The following ANKS1B variants were observed in gnomAD, a reference collection of about 807,000 sequenced individuals.
The protein encoded by ANKS1B is ankyrin repeat and sterile alpha motif domain-containing protein 1B.
A neutral mutation model predicts 148.3 loss-of-function variants in ANKS1B; 36 were observed. The ratio of observed to expected loss-of-function variants is 0.24; its 90% confidence interval spans 0.19 to 0.32. ANKS1B has a LOEUF of 0.32. ANKS1B is among the 10% of genes least tolerant of loss of function. ANKS1B has a pLI of 1.00. For synonymous variants in ANKS1B, 542 were observed against 560.8 expected (o/e 0.97, Z 0.47); for missense variants, 1,157 against 1,542.6 (o/e 0.75, Z 4.19).
intron 17 of ANKS1B, among the ~76,000 whole-genome samples, chr12:98,873,788 T>C (rs759764): frequency 0.24 from 36,328 of 152,138 alleles, 4,575 homozygotes; most frequent in East Asian, 0.39. Flanking sequence ...AAAATCACTT[T>C]ACTTGCCAAT....
chr12:98,905,694 C>T (rs2099778054), intron 17 of ANKS1B, among the ~76,000 whole-genome samples: 1 of 151,930 alleles, frequency 6.6e-6, no homozygotes, highest in African/African-American at 2.4e-5. Context: ...ATCACTTGCG[C>T]CCAGGAAGTT....
At chr12:99,086,507 G>T (rs1038971686) in intron 15 of ANKS1B, among the ~76,000 whole-genome samples, 1 of 152,140 alleles carries the variant, frequency 6.6e-6, no homozygotes, top group Admixed American at 6.5e-5. Context: ...TTAAGAAAGA[G>T]AGTTACATGC....
Position 98,782,255 on chromosome 12 carries a change from A to G in ANKS1B, c.3343-118T>C, listed in dbSNP as rs75245247. 4,002 of 858,692 alleles carry G rather than the reference A, an allele frequency of 4.7e-3. 96 individuals carry two copies. In the African/African-American group the frequency reaches 0.059, roughly 13 times the overall value. 53.2% of individuals were successfully genotyped at this position (858,692 alleles called of 1,614,324 possible). A position where few individuals can be genotyped will look rare whatever the true frequency, so the allele number is the denominator to read the frequency against. On this transcript the variant is annotated intron_variant, in intron 22 of 26. Coordinates refer to ENST00000683438, the MANE Select transcript of ANKS1B (RefSeq NM_001352186.2). ...AACAGTGTAAATTCATTAAAAAACA[A>G]AAGATGCCACAAAAGAACAGGCTTC...
chr12:99,451,417 C>T (rs1419027283), intron 10 of ANKS1B, among the ~76,000 whole-genome samples: 1 of 152,118 alleles, frequency 6.6e-6, no homozygotes, highest in Non-Finnish European at 1.5e-5. Flanking sequence ...ACTGAGATTA[C>T]TTCTGGCTGG....
chr12:99,858,340 C>A (rs185929000), intron 1 of ANKS1B, among the ~76,000 whole-genome samples: 2 of 152,026 alleles, frequency 1.3e-5, no homozygotes, highest in African/African-American at 4.8e-5. Flanking sequence ...CTTACTCCTG[C>A]AAGAATGGCC....
chr12:99,930,541 C>T (rs10860542), intron 1 of ANKS1B, among the ~76,000 whole-genome samples: 91,463 of 151,844 alleles, frequency 0.6, 28,672 homozygotes, highest in Middle Eastern at 0.7. Flanking sequence ...CTATGTTGAA[C>T]AGGAGTGGTG....
intron 11 of ANKS1B, among the ~76,000 whole-genome samples, chr12:99,430,483 G>A (rs897146375): frequency 3.3e-5 from 5 of 152,154 alleles, no homozygotes; most frequent in Non-Finnish European, 7.4e-5. Context: ...AACACTGTAC[G>A]TTACTTGACC....
At chr12:99,720,943 C>T (rs987194554) in intron 8 of ANKS1B, among the ~76,000 whole-genome samples, 16 of 152,216 alleles carry the variant, frequency 1.1e-4, no homozygotes, top group African/African-American at 3.9e-4. Context: ...ATAATCTTTG[C>T]TGGCAGGGCT....
In ANKS1B at chr12:99,052,543, AGG is replaced by A. The variant is rs2099966822; in HGVS notation, c.2778+612_2778+613del. ...GAGATCGAGACCATCCTGGCTAACA[AGG>A]TGAAACCCCGTCTCTACTAAAAAAT... On this transcript the variant is annotated intron_variant, in intron 17 of 26. Coordinates refer to ENST00000683438, the MANE Select transcript of ANKS1B (RefSeq NM_001352186.2). 1.2e-4 allele frequency among the ~76,000 whole-genome samples: 18 copies of A among 147,622 alleles called. 2 individuals are homozygous for A. The South Asian group carries it at 4.2e-3, about 35-fold the overall frequency.
intron 8 of ANKS1B, among the ~76,000 whole-genome samples, chr12:99,719,269 T>C (rs1381018565): frequency 6.6e-6 from 1 of 152,200 alleles, no homozygotes; most frequent in African/African-American, 2.4e-5. Context: ...ACACATATAC[T>C]TTCTGTTTCC....
chr12:99,834,255 A>G (rs372011787), intron 1 of ANKS1B, among the ~76,000 whole-genome samples: 60 of 152,344 alleles, frequency 3.9e-4, no homozygotes, highest in African/African-American at 1.3e-3. Flanking sequence ...TTCTAGACAC[A>G]TTTAAGAAAT....
chr12:98,786,737 G>T (rs866809965), intron 22 of ANKS1B, among the ~76,000 whole-genome samples: 1 of 152,218 alleles, frequency 6.6e-6, no homozygotes, highest in African/African-American at 2.4e-5. Flanking sequence ...TGCTCTTTGA[G>T]TCTGGAGTGG....
chr12:99,813,843 T>A (rs538492382), intron 2 of ANKS1B, among the ~76,000 whole-genome samples: 1 of 151,746 alleles, frequency 6.6e-6, no homozygotes, highest in Non-Finnish European at 1.5e-5. Context: ...AGACTTGGAT[T>A]TGTGTCCCAG....
rs79108614 is a variant in ANKS1B at position 99,214,245 on chromosome 12, G to A, written c.2419+30097C>T. On this transcript the variant is annotated intron_variant, in intron 14 of 26. Coordinates refer to ENST00000683438, the MANE Select transcript of ANKS1B (RefSeq NM_001352186.2). ...GATGTAGTTTAAAAAAAGTTTAAGCGTACATGGGAAATAACTTATACTTTT... is the reference window on the plus strand; with the variant it reads ...GATGTAGTTTAAAAAAAGTTTAAGCATACATGGGAAATAACTTATACTTTT... 4.1e-3 allele frequency among the ~76,000 whole-genome samples: 620 copies of A among 152,098 alleles called. 22 individuals are homozygous for A. In the East Asian group the frequency reaches 0.083, roughly 20 times the overall value.
intron 11 of ANKS1B, among the ~76,000 whole-genome samples, chr12:99,442,665 T>C (rs2095568686): frequency 1.3e-5 from 2 of 151,992 alleles, no homozygotes; most frequent in Non-Finnish European, 2.9e-5. Flanking sequence ...CTGCAGTGGC[T>C]ATCCAAAATT....
chr12:98,894,187 C>T (rs1264577074), intron 17 of ANKS1B, among the ~76,000 whole-genome samples: 2 of 152,280 alleles, frequency 1.3e-5, no homozygotes, highest in East Asian at 3.9e-4. Context: ...TTCTATTCTT[C>T]CTGCTATTCC....
At chr12:98,863,407 C>T (rs2099609285) in intron 17 of ANKS1B, among the ~76,000 whole-genome samples, 1 of 152,202 alleles carries the variant, frequency 6.6e-6, no homozygotes, top group Non-Finnish European at 1.5e-5. Context: ...TCCTTGTCAG[C>T]TGCAAAGCCC....
intron 15 of ANKS1B, among the ~76,000 whole-genome samples, chr12:99,110,383 A>ATTT (rs1452603616): frequency 6.6e-6 from 1 of 152,224 alleles, no homozygotes; most frequent in Non-Finnish European, 1.5e-5. Context: ...TATCATAGAA[A>ATTT]TACATCTTGC....
At chr12:98,840,303 A>T (rs1413736902) in intron 17 of ANKS1B, among the ~76,000 whole-genome samples, 6 of 152,202 alleles carry the variant, frequency 3.9e-5, no homozygotes, top group Admixed American at 3.9e-4. Context: ...ATCTAAAAAA[A>T]ATCCCTCTGA....
Sources: gnomAD v4.1 joint callset for allele counts (sites outside exome capture counted in the v4.1 genomes callset) on GRCh38, gnomAD v4.1.1 for gene constraint, MANE v1.5 for transcripts, NCBI Gene and HGNC (gene_info 2026-07-23, HGNC 2026-07-21) for gene names.